The following HLCS variants were observed in gnomAD, a reference collection of about 807,000 sequenced individuals.
HLCS encodes biotin--protein ligase.
Under a neutral mutation model 75.0 loss-of-function variants are expected in HLCS, and 53 were observed. The observed-to-expected ratio is 0.71, with a 90% confidence interval of 0.57 to 0.89. The LOEUF is 0.89. HLCS is among the 40% of genes least tolerant of loss of function. The probability of loss-of-function intolerance (pLI) is 0.00; values close to 1 mark genes in which losing one functional copy is unlikely to be tolerated. For synonymous variants in HLCS, 431 were observed against 428.6 expected (o/e 1.01, Z -0.07); for missense variants, 966 against 1,074.0 (o/e 0.90, Z 1.41).
chr21:36,945,421 T>C (rs747624641), intron 2 of HLCS, among the ~76,000 whole-genome samples: 3 of 152,144 alleles, frequency 2.0e-5, no homozygotes, highest in Non-Finnish European at 4.4e-5. Flanking sequence ...CATCAACAGA[T>C]GAACAGATAA....
chr21:36,954,943 T>C (rs1020930688), intron 2 of HLCS, among the ~76,000 whole-genome samples: 1 of 151,994 alleles, frequency 6.6e-6, no homozygotes, highest in African/African-American at 2.4e-5. Flanking sequence ...GCACCTGTAA[T>C]CCCAGCTACT....
In HLCS at chr21:36,897,131, C is replaced by T. The variant is rs767926539; in HGVS notation, c.1621G>A (p.Glu541Lys). 6.2e-7 allele frequency: 1 copy of T among 1,614,040 alleles called. No homozygotes were observed. Among genetic ancestry groups the T allele is most frequent in the Admixed American group, 1.7e-5 (1 of 60,018 alleles). ...CACTGCATAAGAGGATCCCTGATTT[C>T]CTGTGTCATAAAGAAAGAAATGAGA... ...TPLYLLSAAE[E>K]IRDPLMQWLG... Residue 541 changes from glutamate to lysine, a missense_variant and splice_region_variant, in exon 6 of 11, where the codon GAA (glutamate) becomes AAA (lysine). By Grantham distance (56) the Glu-to-Lys change is moderately conservative. Coordinates refer to ENST00000674895, the MANE Select transcript of HLCS (RefSeq NM_001352514.2).
intron 6 of HLCS, among the ~76,000 whole-genome samples, chr21:36,863,893 T>C (rs2063466344): frequency 6.6e-6 from 1 of 152,166 alleles, no homozygotes. Context: ...TTGGCTTAAA[T>C]GTCCCCTAGT....
chr21:36,750,025 A>T lies in HLCS; in HGVS notation c.*4221T>A, dbSNP rs1410862285. 1 of 152,218 alleles carries T rather than the reference A, an allele frequency of 6.6e-6. No individual in the cohort carries two copies. The highest frequency in any genetic ancestry group is 2.4e-5 in the African/African-American group (1 of 41,462). 9.4% of individuals were successfully genotyped at this position (152,218 alleles called of 1,614,324 possible). ...GTTTTCATAACCTAGAACATGAAGG[A>T]AGATTCTTACACGAGCTGGCTTCAG... On this transcript the variant is annotated 3_prime_UTR_variant, in exon 11 of 11. Coordinates refer to ENST00000674895, the MANE Select transcript of HLCS (RefSeq NM_001352514.2).
intron 5 of HLCS, among the ~76,000 whole-genome samples, chr21:36,901,597 C>T (rs1601682395): frequency 6.6e-6 from 1 of 152,202 alleles, no homozygotes; most frequent in East Asian, 1.9e-4. Context: ...CACGCCTTTG[C>T]TTCTGGTGCC....
At chr21:36,815,694 T>C (rs935562663) in intron 6 of HLCS, among the ~76,000 whole-genome samples, 2 of 152,156 alleles carry the variant, frequency 1.3e-5, no homozygotes, top group Non-Finnish European at 2.9e-5. Flanking sequence ...CCCTTAGTGA[T>C]GTGTGTACCT....
At chr21:36,939,039 A>C (rs1428940685) in intron 2 of HLCS, 45 bp from the exon 3 acceptor site, 31 of 1,542,852 alleles carry the variant, frequency 2.0e-5, no homozygotes, top group Non-Finnish European at 2.4e-5. Flanking sequence ...AGACAGGTTG[A>C]GATTTTTCTT....
At chr21:36,931,647 G>C (rs1402633071) in intron 4 of HLCS, among the ~76,000 whole-genome samples, 1 of 152,038 alleles carries the variant, frequency 6.6e-6, no homozygotes, top group East Asian at 1.9e-4. Flanking sequence ...TACTTGGGAG[G>C]CTGAGCTGGG....
At chr21:36,859,483 A>AC (rs1293154673) in intron 6 of HLCS, among the ~76,000 whole-genome samples, 4 of 152,042 alleles carry the variant, frequency 2.6e-5, no homozygotes, top group Admixed American at 6.5e-5. Context: ...CTCCACTGGG[A>AC]CCCCCACAGG....
intron 6 of HLCS, among the ~76,000 whole-genome samples, chr21:36,802,794 C>T (rs1012177169): frequency 1.3e-5 from 2 of 152,180 alleles, no homozygotes; most frequent in African/African-American, 4.8e-5. Flanking sequence ...ATAAAAAAGG[C>T]ACGATCCCCA....
At chr21:36,839,202 G>A (rs903228512) in intron 6 of HLCS, among the ~76,000 whole-genome samples, 2 of 152,160 alleles carry the variant, frequency 1.3e-5, no homozygotes, top group Non-Finnish European at 2.9e-5. Context: ...TGAAAAATAC[G>A]AGAGGTCAAT....
intron 5 of HLCS, among the ~76,000 whole-genome samples, chr21:36,926,359 A>T (rs2066406879): frequency 6.6e-6 from 1 of 152,224 alleles, no homozygotes; most frequent in Non-Finnish European, 1.5e-5. Flanking sequence ...AACAAGAGTC[A>T]CGTGTTTTAC....
At chr21:36,786,209 T>C (rs559227057) in intron 6 of HLCS, among the ~76,000 whole-genome samples, 1 of 152,180 alleles carries the variant, frequency 6.6e-6, no homozygotes, top group Non-Finnish European at 1.5e-5. Flanking sequence ...TGAGAGTGTA[T>C]GCTGCTGTTT....
intron 6 of HLCS, among the ~76,000 whole-genome samples, chr21:36,882,817 A>G (rs2064288773): frequency 6.6e-6 from 1 of 152,036 alleles, no homozygotes. Flanking sequence ...CATATTACCC[A>G]ATTTTAAACT....
chr21:36,886,924 C>G (rs1474635359), intron 6 of HLCS, among the ~76,000 whole-genome samples: 1 of 151,930 alleles, frequency 6.6e-6, no homozygotes, highest in Non-Finnish European at 1.5e-5. Context: ...GTCAGGGGTT[C>G]GAGACCAGAC....
chr21:36,882,891 A>G (rs1186397921), intron 6 of HLCS, among the ~76,000 whole-genome samples: 2 of 152,096 alleles, frequency 1.3e-5, no homozygotes, highest in Non-Finnish European at 2.9e-5. Flanking sequence ...GCAGGTACAG[A>G]CTTCCCCATC....
At chr21:36,793,812 G>GTGGC (rs2060945993) in intron 6 of HLCS, among the ~76,000 whole-genome samples, 1 of 152,238 alleles carries the variant, frequency 6.6e-6, no homozygotes, top group African/African-American at 2.4e-5. Context: ...GGTCAGGCAT[G>GTGGC]TGGCTGCTGG....
At chr21:36,762,686 G>A (rs1330379663) in intron 8 of HLCS, among the ~76,000 whole-genome samples, 1 of 152,234 alleles carries the variant, frequency 6.6e-6, no homozygotes, top group Non-Finnish European at 1.5e-5. Context: ...CCATCACACA[G>A]GTGAGGCTGG....
chr21:36,802,684 C>T (rs1040503869), intron 6 of HLCS, among the ~76,000 whole-genome samples: 34 of 152,284 alleles, frequency 2.2e-4, no homozygotes, highest in African/African-American at 7.2e-4. Context: ...TTGCGTCGTA[C>T]TGAACTTCAA....
Sources: gnomAD v4.1 joint callset for allele counts (sites outside exome capture counted in the v4.1 genomes callset) on GRCh38, gnomAD v4.1.1 for gene constraint, MANE v1.5 for transcripts, NCBI Gene and HGNC (gene_info 2026-07-23, HGNC 2026-07-21) for gene names.